NAALADL2: variants seen among roughly 807,000 people sequenced by gnomAD.
The protein encoded by NAALADL2 is N-acetylated alpha-linked acidic dipeptidase like 2, also known as inactive N-acetylated-alpha-linked acidic dipeptidase-like protein 2.
A neutral mutation model predicts 87.2 loss-of-function variants in NAALADL2; 76 were observed. The ratio of observed to expected loss-of-function variants is 0.87; its 90% CI spans 0.72 to 1.05. NAALADL2 has a LOEUF of 1.05. Among genes scored for constraint, NAALADL2 ranks in the 50% least tolerant of loss-of-function variants. NAALADL2 has a pLI of 0.00. For missense variants in NAALADL2, 1,089 were observed against 945.8 expected (o/e 1.15, Z -1.99); for synonymous variants, 354 against 331.0 (o/e 1.07, Z -0.75).
At chr3:174,960,408 G>A (rs1337005938) in intron 1 of NAALADL2, among the ~76,000 whole-genome samples, 1 of 151,960 alleles carries the variant, frequency 6.6e-6, no homozygotes, top group African/African-American at 2.4e-5. Context: ...ACTGAGTTCT[G>A]GCGATGGAAT....
At chr3:175,760,641 G>T (rs1436003297) in intron 13 of NAALADL2, among the ~76,000 whole-genome samples, 2 of 152,134 alleles carry the variant, frequency 1.3e-5, no homozygotes, top group Non-Finnish European at 2.9e-5. Flanking sequence ...ATTTTGTTAA[G>T]AATTCTAAAT....
chr3:174,514,185 C>A (rs1163090541), intron 1 of NAALADL2, among the ~76,000 whole-genome samples: 3 of 152,066 alleles, frequency 2.0e-5, no homozygotes. Flanking sequence ...CACCCAGTAC[C>A]TTTGTAAAAA....
chr3:174,629,992 C>A (rs1306424868), intron 2 of NAALADL2, among the ~76,000 whole-genome samples: 5 of 152,060 alleles, frequency 3.3e-5, no homozygotes, highest in African/African-American at 9.7e-5. Flanking sequence ...AAACTTTCAA[C>A]GTAATATACC....
chr3:175,056,483 C>T (rs575476526), intron 1 of NAALADL2, among the ~76,000 whole-genome samples: 7 of 152,202 alleles, frequency 4.6e-5, no homozygotes, highest in South Asian at 2.1e-4. Flanking sequence ...AACCTGGATT[C>T]GAGCCCCCAC....
In NAALADL2 at chr3:175,408,891, A is replaced by T. The variant is rs771574898; in HGVS notation, c.1091-38338A>T. On this transcript the variant is annotated intron_variant, in intron 5 of 13. Coordinates refer to ENST00000454872, the MANE Select transcript of NAALADL2 (RefSeq NM_207015.3). ...AAGTTGAGAAAATTGAAGTGAATGG[A>T]TTGCTGAGTTTTTAATAGAATCTTA... Among the ~76,000 whole-genome samples the T allele has an allele frequency of 7.1e-4, 108 of 152,090 alleles. 1 individual carries two copies. Among genetic ancestry groups the T allele is most frequent in the Admixed American group, 1.2e-3 (19 of 15,276 alleles).
chr3:175,744,885 T>A (rs1389959660), intron 12 of NAALADL2, among the ~76,000 whole-genome samples: 2 of 152,198 alleles, frequency 1.3e-5, no homozygotes, highest in African/African-American at 4.8e-5. Flanking sequence ...TAATACAAGC[T>A]TAAATTGTTG....
chr3:175,206,264 T>TATATATATA (rs750185480), intron 2 of NAALADL2, among the ~76,000 whole-genome samples: 1,228 of 69,498 alleles, frequency 0.018, 101 homozygotes, highest in African/African-American at 0.07. Context: ...ATATATATAT[T>TATATATATA]TTTTTTTTTC....
At chr3:174,784,791 G>A (rs1443198998) in intron 3 of NAALADL2, among the ~76,000 whole-genome samples, 1 of 152,088 alleles carries the variant, frequency 6.6e-6, no homozygotes, top group Non-Finnish European at 1.5e-5. Context: ...TCAGAATTTT[G>A]GAATGTTTAG....
At chr3:175,734,280 C>T (rs112520982) in intron 11 of NAALADL2, among the ~76,000 whole-genome samples, 23,390 of 151,992 alleles carry the variant, frequency 0.15, 2,004 homozygotes, top group African/African-American at 0.23. Context: ...GTGGGCTGGG[C>T]GCGGTGGCTC....
intron 11 of NAALADL2, among the ~76,000 whole-genome samples, chr3:175,690,665 G>A (rs924187265): frequency 6.6e-6 from 1 of 151,974 alleles, no homozygotes; most frequent in Non-Finnish European, 1.5e-5. Flanking sequence ...CACATTCTCT[G>A]AATCTTCAGA....
rs1396721837 is a variant in NAALADL2, at chr3:175,808,901, A to G, written c.*5698A>G. On this transcript the variant is annotated 3_prime_UTR_variant, in exon 14 of 14. Transcript: ENST00000454872. ...ATATATTTTTCAATCAAAATGTGTA[A>G]TTATTTAATTATCTAGCCTGCTCAG... 6.6e-6 allele frequency: 1 copy of G among 151,962 alleles called. No individual in the cohort carries two copies. The highest frequency in any genetic ancestry group is 2.4e-5 in the African/African-American group (1 of 41,408). The allele number at this position is 151,962 out of a possible 1,614,324, so 9.4% of individuals were successfully genotyped here. A position where few individuals can be genotyped will look rare whatever the true frequency, so the allele number is the denominator to read the frequency against.
chr3:175,047,784 C>T (rs1442672088), intron 1 of NAALADL2, among the ~76,000 whole-genome samples: 1 of 152,138 alleles, frequency 6.6e-6, no homozygotes, highest in Non-Finnish European at 1.5e-5. Flanking sequence ...AAAACTCTGG[C>T]ATTTTATTAA....
chr3:175,174,438 T>G lies in NAALADL2; in HGVS notation c.546-59493T>G, dbSNP rs982778960. ...TTGAAAAGCAATATTTGTGCAATTA[T>G]CTGAATATCTATTTGCGTCTTTCAT... On this transcript the variant is annotated intron_variant, in intron 2 of 13. Transcript: ENST00000454872. Among the ~76,000 whole-genome samples, 5 of 152,148 alleles carry G rather than the reference T, an allele frequency of 3.3e-5. No homozygotes were observed. In the East Asian group the frequency reaches 5.8e-4, roughly 18 times the overall value.
rs199875497 is a variant in NAALADL2, at chr3:175,291,971, TCA to T, written c.940-32203_940-32202del. ...AGCAAATACAATTTCTAAATTATTTTCAGTCTCATATTAGTCTCCAAAATAGT... is the reference window on the plus strand; with the variant it reads ...AGCAAATACAATTTCTAAATTATTTTGTCTCATATTAGTCTCCAAAATAGT... On this transcript the variant is annotated intron_variant, in intron 4 of 13. Coordinates refer to ENST00000454872, the MANE Select transcript of NAALADL2 (RefSeq NM_207015.3). Among the ~76,000 whole-genome samples the T allele has an allele frequency of 5.4e-4, 83 of 152,356 alleles. No individual in the cohort carries two copies. The East Asian group carries it at 0.016, about 29-fold the overall frequency.
intron 1 of NAALADL2, chr3:175,080,930 G>A (rs1717676479): frequency 6.6e-6 from 1 of 152,174 alleles, no homozygotes; most frequent in Admixed American, 6.5e-5. Context: ...GTTAGTGTCA[G>A]TAGTGTTGAA....
intron 10 of NAALADL2, among the ~76,000 whole-genome samples, chr3:175,621,426 A>G (rs2149701142): frequency 6.6e-6 from 1 of 152,288 alleles, no homozygotes; most frequent in Middle Eastern, 3.4e-3. Flanking sequence ...ACCCCTTTCA[A>G]GTGTAAACAT....
At chr3:175,123,433 TG>T (rs1458624205) in intron 2 of NAALADL2, among the ~76,000 whole-genome samples, 2 of 151,974 alleles carry the variant, frequency 1.3e-5, no homozygotes, top group Non-Finnish European at 2.9e-5. Context: ...CACTAGTGCT[TG>T]GGTGCTATGC....
intron 4 of NAALADL2, among the ~76,000 whole-genome samples, chr3:175,293,878 G>T (rs1755976278): frequency 6.6e-6 from 1 of 152,134 alleles, no homozygotes; most frequent in Non-Finnish European, 1.5e-5. Flanking sequence ...TAATTAATAT[G>T]CAGACTGAGG....
intron 1 of NAALADL2, among the ~76,000 whole-genome samples, chr3:175,011,116 C>CAGTCA (rs779176661): frequency 2.0e-5 from 3 of 152,034 alleles, no homozygotes; most frequent in Non-Finnish European, 4.4e-5. Flanking sequence ...CAGAAACTGA[C>CAGTCA]TTTTTTCCTC....
Sources: allele counts gnomAD v4.1 joint callset (sites outside exome capture counted in the v4.1 genomes callset), GRCh38; gene constraint gnomAD v4.1.1; transcripts MANE v1.5; gene names NCBI Gene and HGNC (gene_info 2026-07-23, HGNC 2026-07-21).